The following FOXP2 variants were observed in gnomAD, a reference collection of about 807,000 sequenced individuals.
The protein encoded by FOXP2 is forkhead box P2, also known as forkhead box protein P2.
A neutral mutation model predicts 115.8 loss-of-function variants in FOXP2; 12 were observed. The ratio of observed to expected loss-of-function variants is 0.10; its 90% CI spans 0.07 to 0.17. The LOEUF (loss-of-function observed/expected upper bound fraction) is 0.17. FOXP2 is among the 10% of genes least tolerant of loss of function. The pLI is 1.00. For synonymous variants in FOXP2, 328 were observed against 297.7 expected, an observed-to-expected ratio of 1.10 and a Z score of -1.05; for missense variants, 629 against 843.5, an observed-to-expected ratio of 0.75 and a Z score of 3.15.
chr7:114,675,884 A>G (rs938237452), intron 16 of FOXP2, among the ~76,000 whole-genome samples: 2 of 151,056 alleles, frequency 1.3e-5, no homozygotes, highest in Admixed American at 1.3e-4. Flanking sequence ...GATTATACAC[A>G]TTTTCTTTAT....
rs372388166 is a variant in FOXP2, at chr7:114,626,916, A to G, written c.259-1624A>G. Reference sequence around the variant, plus strand: ...TATTATAATAAATTCAAATTCAGTAATTTATAGGTATGCCAGTATATTCCT... The same window carrying G: ...TATTATAATAAATTCAAATTCAGTAGTTTATAGGTATGCCAGTATATTCCT... On this transcript the variant is annotated intron_variant, in intron 3 of 16. Coordinates refer to ENST00000350908, the MANE Select transcript of FOXP2 (RefSeq NM_014491.4). Among the ~76,000 whole-genome samples the G allele has an allele frequency of 6.1e-4, 92 of 151,992 alleles. 1 individual carries two copies. The South Asian group carries it at 0.019, about 31-fold the overall frequency.
intron 3 of FOXP2, among the ~76,000 whole-genome samples, chr7:114,594,953 A>G (rs1419332307): frequency 6.6e-6 from 1 of 152,058 alleles, no homozygotes; most frequent in Non-Finnish European, 1.5e-5. Context: ...GTAGAGGTAG[A>G]CACTGTAAGT....
chr7:114,158,366 T>A (rs1310678022), upstream of FOXP2, among the ~76,000 whole-genome samples: 5 of 152,076 alleles, frequency 3.3e-5, no homozygotes, highest in East Asian at 1.9e-4. Context: ...GTATTTATTT[T>A]TTTTTTAATA....
At chr7:114,345,502 C>A (rs1791325430) in intron 2 of FOXP2, among the ~76,000 whole-genome samples, 1 of 151,760 alleles carries the variant, frequency 6.6e-6, no homozygotes, top group Non-Finnish European at 1.5e-5. Flanking sequence ...TCTGCAAAGG[C>A]ATTCCTTAAT....
chr7:114,452,447 A>G (rs1795113751), intron 2 of FOXP2, among the ~76,000 whole-genome samples: 1 of 152,048 alleles, frequency 6.6e-6, no homozygotes, highest in Admixed American at 6.6e-5. Context: ...TCATAGACAA[A>G]TGTTATATAG....
chr7:114,655,730 T>C (rs1806551539), intron 10 of FOXP2, among the ~76,000 whole-genome samples: 1 of 152,160 alleles, frequency 6.6e-6, no homozygotes, highest in Non-Finnish European at 1.5e-5. Context: ...ATAGCATGAA[T>C]TTATTACCAA....
At chr7:114,389,368 A>G (rs1476960750) in intron 2 of FOXP2, among the ~76,000 whole-genome samples, 1 of 152,192 alleles carries the variant, frequency 6.6e-6, no homozygotes, top group Admixed American at 6.5e-5. Context: ...CAAACATGTG[A>G]AAGTTACTGG....
intron 3 of FOXP2, among the ~76,000 whole-genome samples, chr7:114,583,845 A>AT (rs1801988520): frequency 1.3e-5 from 2 of 152,156 alleles, no homozygotes; most frequent in South Asian, 4.1e-4. Flanking sequence ...CTTTCCCCAC[A>AT]TTTTTTAAGT....
intron 2 of FOXP2, among the ~76,000 whole-genome samples, chr7:114,510,904 A>C (rs1201441468): frequency 6.6e-6 from 1 of 152,192 alleles, no homozygotes; most frequent in African/African-American, 2.4e-5. Flanking sequence ...ACACATGCAC[A>C]CGTATGTTTA....
At chr7:114,427,087 C>T (rs1793890769) in intron 2 of FOXP2, among the ~76,000 whole-genome samples, 1 of 151,664 alleles carries the variant, frequency 6.6e-6, no homozygotes, top group Admixed American at 6.6e-5. Context: ...AAAAGGACCA[C>T]AAGGACTTTT....
At chr7:114,269,620 T>C (rs954469123) in intron 1 of FOXP2, among the ~76,000 whole-genome samples, 7 of 152,270 alleles carry the variant, frequency 4.6e-5, no homozygotes, top group Non-Finnish European at 8.8e-5. Flanking sequence ...ATAAATAACA[T>C]GATTCTGTTT....
At chr7:114,407,225 A>T (rs1357136386) in intron 2 of FOXP2, among the ~76,000 whole-genome samples, 1 of 152,056 alleles carries the variant, frequency 6.6e-6, no homozygotes, top group Non-Finnish European at 1.5e-5. Context: ...TTCATAAATA[A>T]ATAGTAAATA....
chr7:114,403,364 C>T (rs1158948466), intron 2 of FOXP2, among the ~76,000 whole-genome samples: 1 of 152,170 alleles, frequency 6.6e-6, no homozygotes, highest in Non-Finnish European at 1.5e-5. Flanking sequence ...TTGTATAGTA[C>T]ATTTGCAAGG....
chr7:114,599,955 A>C (rs1261274436), intron 3 of FOXP2, among the ~76,000 whole-genome samples: 1 of 152,112 alleles, frequency 6.6e-6, no homozygotes, highest in African/African-American at 2.4e-5. Flanking sequence ...CCCCACCCTC[A>C]GTTTCCCCTG....
intron 1 of FOXP2, among the ~76,000 whole-genome samples, chr7:114,279,482 T>C (rs1209889356): frequency 1.3e-5 from 2 of 152,144 alleles, no homozygotes; most frequent in Non-Finnish European, 2.9e-5. Flanking sequence ...TTCTGTGAGG[T>C]TGGAGTTTTA....
At chr7:114,403,309 C>A (rs575878309) in intron 2 of FOXP2, among the ~76,000 whole-genome samples, 1 of 152,108 alleles carries the variant, frequency 6.6e-6, no homozygotes, top group South Asian at 2.1e-4. Context: ...AAACAAAAAC[C>A]ATCTTGATTC....
In FOXP2 at chr7:114,692,199, A is replaced by C. The variant is rs534869549; in HGVS notation, c.*2273A>C. ...TGTTCAAAAGGCTTTGAGGGACTGG[A>C]AGTAACTGCGAGAGTTGTACCATCA... On this transcript the variant is annotated 3_prime_UTR_variant, in exon 17 of 17. Coordinates refer to ENST00000350908, the MANE Select transcript of FOXP2 (RefSeq NM_014491.4). 1.6e-4 allele frequency: 72 copies of C among 453,990 alleles called. No homozygotes were observed. The highest frequency in any genetic ancestry group is 1.3e-3 in the African/African-American group (65 of 50,110). The allele number at this position is 453,990 out of a possible 1,614,324, so 28.1% of individuals were successfully genotyped here.
At chr7:114,250,543 C>T (rs1795413557) in intron 1 of FOXP2, among the ~76,000 whole-genome samples, 1 of 152,156 alleles carries the variant, frequency 6.6e-6, no homozygotes, top group African/African-American at 2.4e-5. Flanking sequence ...TCCCTGATGG[C>T]CAGTGATGAT....
intron 1 of FOXP2, among the ~76,000 whole-genome samples, chr7:114,283,288 A>G (rs893629313): frequency 6.6e-6 from 1 of 152,228 alleles, no homozygotes; most frequent in Non-Finnish European, 1.5e-5. Flanking sequence ...AGTATTTAAA[A>G]TGTTAGTATA....
Sources: allele counts gnomAD v4.1 joint callset (sites outside exome capture counted in the v4.1 genomes callset), GRCh38; gene constraint gnomAD v4.1.1; transcripts MANE v1.5; gene names NCBI Gene and HGNC (gene_info 2026-07-23, HGNC 2026-07-21).